EDDM13: variants seen among roughly 807,000 people sequenced by gnomAD.
EDDM13 encodes epididymal protein 13.
In EDDM13, 24 loss-of-function variants were observed where a neutral mutation model predicts 17.8. That is an observed-to-expected ratio of 1.35 (90% confidence interval 0.98 to 1.90). The LOEUF is 1.90. Among genes scored for constraint, EDDM13 ranks in the 40% most tolerant of loss-of-function variants. The pLI is 0.00. For synonymous variants in EDDM13, 31 were observed against 37.5 expected, an observed-to-expected ratio of 0.83 and a Z score of 0.63; for missense variants, 97 against 100.8, an observed-to-expected ratio of 0.96 and a Z score of 0.16.
chr19:56,282,742 C>T (rs150799933), intron 4 of EDDM13, among the ~76,000 whole-genome samples: 9 of 152,326 alleles, frequency 5.9e-5, no homozygotes, highest in Admixed American at 5.2e-4. Flanking sequence ...TTTCATGGTC[C>T]GCACATGGCT....
chr19:56,274,319 T>C (rs10775567), intron 1 of EDDM13, among the ~76,000 whole-genome samples: 62,887 of 151,486 alleles, frequency 0.42, 14,258 homozygotes, highest in Non-Finnish European at 0.51. Context: ...CCAGGCATGG[T>C]AGTAGGGGCC....
intron 14 of EDDM13, among the ~76,000 whole-genome samples, chr19:56,308,835 C>T (rs911970170): frequency 4.6e-5 from 7 of 152,142 alleles, no homozygotes; most frequent in Admixed American, 1.3e-4. Context: ...TGGTGTTGAA[C>T]GGTTTCTCAG....
At position 56,310,244 on chromosome 19, in the gene EDDM13, G is replaced by A. The variant is rs1218549496; in HGVS notation, c.*96G>A. On this transcript the variant is annotated 3_prime_UTR_variant, in exon 15 of 15. Transcript: ENST00000649256. ...GCTCTCTGTCCCCTGGACTGCCTGTGTGGAGGGTAATGAACTGGGTCCTTT... is the reference window on the plus strand; with the variant it reads ...GCTCTCTGTCCCCTGGACTGCCTGTATGGAGGGTAATGAACTGGGTCCTTT... 1 of 152,290 alleles carries A rather than the reference G, an allele frequency of 6.6e-6. No individual in the cohort carries two copies. The highest frequency in any genetic ancestry group is 2.4e-5 in the African/African-American group (1 of 41,444). 9.4% of individuals were successfully genotyped at this position (152,290 alleles called of 1,614,324 possible). A position where few individuals can be genotyped will look rare whatever the true frequency, so the allele number is the denominator to read the frequency against.
intron 12 of EDDM13, chr19:56,298,170 G>A (rs1404114145): frequency 6.6e-6 from 1 of 151,902 alleles, no homozygotes; most frequent in African/African-American, 2.4e-5. Flanking sequence ...AAATAGAGGA[G>A]AAACAAACTG....
chr19:56,291,086 A>G (rs1487398515), intron 9 of EDDM13, among the ~76,000 whole-genome samples: 1 of 152,200 alleles, frequency 6.6e-6, no homozygotes, highest in Non-Finnish European at 1.5e-5. Context: ...GGCTACATGC[A>G]GGACTGAGTA....
chr19:56,296,943 C>T (rs750454647), intron 11 of EDDM13, among the ~76,000 whole-genome samples: 15 of 152,032 alleles, frequency 9.9e-5, no homozygotes, highest in African/African-American at 3.1e-4. Flanking sequence ...GTGGTGTGCA[C>T]CTGTAATCCT....
intron 11 of EDDM13, among the ~76,000 whole-genome samples, chr19:56,296,706 T>C (rs1045784329): frequency 5.9e-5 from 9 of 151,950 alleles, no homozygotes; most frequent in East Asian, 1.9e-4. Context: ...ATGGAGACAA[T>C]AGAGTAATGG....
chr19:56,305,281 T>C (rs766580850), intron 14 of EDDM13, among the ~76,000 whole-genome samples: 26 of 152,156 alleles, frequency 1.7e-4, no homozygotes, highest in Non-Finnish European at 1.9e-4. Context: ...ACTAGTCTAC[T>C]CTCTGTCTCT....
chr19:56,281,738 C>T (rs2038724291), intron 3 of EDDM13, 40 bp downstream of exon 3: 23 of 982,002 alleles, frequency 2.3e-5, no homozygotes, highest in Non-Finnish European at 7.3e-6. Flanking sequence ...ATGGGGAGCC[C>T]GCCCTTCAAC....
chr19:56,290,261 A>G (rs1338459317), intron 8 of EDDM13, among the ~76,000 whole-genome samples: 1 of 152,208 alleles, frequency 6.6e-6, no homozygotes, highest in East Asian at 1.9e-4. Context: ...AGAAAGGCCC[A>G]CTGCTTGTTT....
At chr19:56,289,036 T>C (rs1421932982) in intron 8 of EDDM13, among the ~76,000 whole-genome samples, 145 bp downstream of exon 8, 2 of 152,178 alleles carry the variant, frequency 1.3e-5, no homozygotes, top group Admixed American at 1.3e-4. Flanking sequence ...GCATCATCAG[T>C]ACAGATTCTG....
intron 1 of EDDM13, among the ~76,000 whole-genome samples, chr19:56,274,140 T>C (rs755703924): frequency 1.8e-4 from 28 of 152,132 alleles, no homozygotes; most frequent in Non-Finnish European, 4.0e-4. Context: ...GAATTGAGGC[T>C]GCCCTTAACT....
chr19:56,287,619 C>G (rs578196891), intron 6 of EDDM13, among the ~76,000 whole-genome samples: 6 of 152,230 alleles, frequency 3.9e-5, no homozygotes, highest in African/African-American at 1.4e-4. Context: ...GCCACGAAAC[C>G]AAGTACCAAT....
intron 6 of EDDM13, among the ~76,000 whole-genome samples, chr19:56,287,912 C>T (rs533298579): frequency 7.2e-5 from 11 of 152,364 alleles, no homozygotes; most frequent in South Asian, 4.1e-4. Context: ...GTGACCAGCT[C>T]GTCCCAGGAC....
intron 3 of EDDM13, 93 bp downstream of exon 3, chr19:56,281,791 C>T (rs769632442): frequency 3.8e-4 from 272 of 714,302 alleles, no homozygotes; most frequent in Non-Finnish European, 4.2e-4. Context: ...AAACTGCTGA[C>T]GATCACATTC....
At chr19:56,287,506 T>A (rs1011161505) in intron 6 of EDDM13, among the ~76,000 whole-genome samples, 3 of 152,088 alleles carry the variant, frequency 2.0e-5, no homozygotes, top group African/African-American at 7.2e-5. Flanking sequence ...CAAGTCCACC[T>A]AACCCATAAA....
chr19:56,285,679 C>T (rs2039054843), intron 6 of EDDM13, among the ~76,000 whole-genome samples: 1 of 152,104 alleles, frequency 6.6e-6, no homozygotes, highest in African/African-American at 2.4e-5. Context: ...CAGAATTTCA[C>T]TATGTCGGCC....
At chr19:56,303,334 C>T (rs541709922) in intron 13 of EDDM13, among the ~76,000 whole-genome samples, 24 of 152,046 alleles carry the variant, frequency 1.6e-4, no homozygotes, top group Admixed American at 1.0e-3. Flanking sequence ...AAAAAATAGC[C>T]GGGCATGGTG....
intron 6 of EDDM13, among the ~76,000 whole-genome samples, chr19:56,287,924 C>T (rs1048827336): frequency 4.6e-5 from 7 of 152,244 alleles, no homozygotes; most frequent in African/African-American, 1.7e-4. Flanking sequence ...TCCCAGGACA[C>T]TTCCAGTGTT....
Sources: allele counts gnomAD v4.1 joint callset (sites outside exome capture counted in the v4.1 genomes callset), GRCh38; gene constraint gnomAD v4.1.1; transcripts MANE v1.5; gene names NCBI Gene and HGNC (gene_info 2026-07-23, HGNC 2026-07-21).